The following NRXN1 variants were observed in gnomAD, a reference collection of about 807,000 sequenced individuals.
The protein encoded by NRXN1 is neurexin-1.
NRXN1 carries 39 observed loss-of-function variants against 150.9 expected under a neutral mutation model. That is an observed-to-expected ratio of 0.26 (90% confidence interval 0.20 to 0.34). The LOEUF is 0.34. Ranked by LOEUF, NRXN1 falls within the 10% of genes least tolerant of loss-of-function variation. NRXN1 has a pLI of 1.00. For synonymous variants in NRXN1, 924 were observed against 757.0 expected, an observed-to-expected ratio of 1.22 and a Z score of -3.62; for missense variants, 1,815 against 1,949.9, an observed-to-expected ratio of 0.93 and a Z score of 1.30.
At chr2:50,674,465 T>C (rs1689283459) in intron 5 of NRXN1, among the ~76,000 whole-genome samples, 1 of 152,102 alleles carries the variant, frequency 6.6e-6, no homozygotes, top group African/African-American at 2.4e-5. Context: ...GAGTGATTTT[T>C]AGACAGGAAT....
chr2:50,407,864 T>A (rs1355142014), intron 17 of NRXN1, among the ~76,000 whole-genome samples: 2 of 152,150 alleles, frequency 1.3e-5, no homozygotes, highest in Non-Finnish European at 2.9e-5. Context: ...TATTCTGTTA[T>A]AAGTAACAGA....
At chr2:50,229,453 T>C (rs2064734898) in intron 18 of NRXN1, among the ~76,000 whole-genome samples, 1 of 152,068 alleles carries the variant, frequency 6.6e-6, no homozygotes, top group South Asian at 2.1e-4. Context: ...TTTTCTTCCA[T>C]CAATCTATAT....
At chr2:51,008,189 A>T (rs538726787) in intron 2 of NRXN1, among the ~76,000 whole-genome samples, 10 of 152,040 alleles carry the variant, frequency 6.6e-5, no homozygotes, top group African/African-American at 2.4e-4. Context: ...ACAAATGTCA[A>T]ATCAATTAAA....
chr2:50,467,025 G>T (rs1477545517), intron 16 of NRXN1, among the ~76,000 whole-genome samples: 1 of 151,686 alleles, frequency 6.6e-6, no homozygotes, highest in Non-Finnish European at 1.5e-5. Flanking sequence ...CTGCATAAAT[G>T]ATACTGTATA....
intron 21 of NRXN1, among the ~76,000 whole-genome samples, chr2:50,027,801 C>T (rs568546584): frequency 3.3e-5 from 5 of 152,256 alleles, no homozygotes; most frequent in South Asian, 4.2e-4. Context: ...AAACTTCTAT[C>T]CTAACACCTT....
At chr2:50,840,648 T>C (rs960407298) in intron 5 of NRXN1, among the ~76,000 whole-genome samples, 8 of 152,154 alleles carry the variant, frequency 5.3e-5, no homozygotes, top group South Asian at 2.1e-4. Flanking sequence ...AGGGGATTCA[T>C]GGTTACACAC....
chr2:50,773,261 C>T (rs561893216), intron 5 of NRXN1, among the ~76,000 whole-genome samples: 1 of 152,272 alleles, frequency 6.6e-6, no homozygotes, highest in African/African-American at 2.4e-5. Flanking sequence ...ATTTATTCAA[C>T]TCCTTCAACC....
At chr2:50,418,320 G>A (rs2083707165) in intron 17 of NRXN1, among the ~76,000 whole-genome samples, 1 of 151,954 alleles carries the variant, frequency 6.6e-6, no homozygotes, top group Admixed American at 6.6e-5. Flanking sequence ...GTTTCACCAA[G>A]TATAAATGTG....
At chr2:50,585,131 C>A (rs930340332) in intron 8 of NRXN1, among the ~76,000 whole-genome samples, 1 of 152,122 alleles carries the variant, frequency 6.6e-6, no homozygotes, top group African/African-American at 2.4e-5. Context: ...CCCATGAATT[C>A]TAGTATCAGA....
intron 17 of NRXN1, among the ~76,000 whole-genome samples, chr2:50,396,083 C>G (rs2082034827): frequency 6.6e-6 from 1 of 152,124 alleles, no homozygotes; most frequent in Non-Finnish European, 1.5e-5. Flanking sequence ...ATAGAGTTTA[C>G]TGAGAATTCT....
chr2:49,930,060 G>A (rs565148808), intron 22 of NRXN1, among the ~76,000 whole-genome samples: 3 of 152,282 alleles, frequency 2.0e-5, no homozygotes, highest in African/African-American at 4.8e-5. Flanking sequence ...GTGAAAGTGG[G>A]TAGAGAAGTC....
chr2:49,994,561 A>T (rs765941809), intron 21 of NRXN1, among the ~76,000 whole-genome samples: 14 of 152,174 alleles, frequency 9.2e-5, no homozygotes, highest in Non-Finnish European at 1.6e-4. Context: ...TGTTGGGAAA[A>T]ATACAAGTAT....
chr2:50,892,307 T>C (rs574684304), intron 5 of NRXN1, among the ~76,000 whole-genome samples: 13 of 152,232 alleles, frequency 8.5e-5, no homozygotes, highest in African/African-American at 2.4e-4. Flanking sequence ...CTGAGAATAA[T>C]TGTAGATGGA....
At chr2:50,635,519 C>T (rs1455971945) in intron 5 of NRXN1, among the ~76,000 whole-genome samples, 1 of 152,058 alleles carries the variant, frequency 6.6e-6, no homozygotes. Context: ...CAGTCCTCTT[C>T]TTCCCTCCTC....
intron 19 of NRXN1, among the ~76,000 whole-genome samples, chr2:50,060,316 C>T (rs917545305): frequency 5.9e-5 from 9 of 152,106 alleles, no homozygotes; most frequent in Non-Finnish European, 1.5e-5. Flanking sequence ...GTAGACCCTT[C>T]GTTTTGGCCA....
At chr2:50,297,215 A>G (rs1029106345) in intron 17 of NRXN1, among the ~76,000 whole-genome samples, 38 of 152,060 alleles carry the variant, frequency 2.5e-4, no homozygotes, top group African/African-American at 8.7e-4. Flanking sequence ...ATGGCTGTAT[A>G]GTATTCTGTG....
intron 21 of NRXN1, among the ~76,000 whole-genome samples, chr2:49,961,861 AC>A (rs1676019310): frequency 6.6e-6 from 1 of 152,140 alleles, no homozygotes; most frequent in African/African-American, 2.4e-5. Context: ...GCAGTTCCCA[AC>A]TCTGTCCCCA....
intron 5 of NRXN1, among the ~76,000 whole-genome samples, chr2:50,915,184 T>C (rs964527078): frequency 5.9e-5 from 9 of 151,650 alleles, no homozygotes; most frequent in African/African-American, 2.2e-4. Context: ...TCAAGATAAT[T>C]ATATGTTATT....
intron 5 of NRXN1, among the ~76,000 whole-genome samples, chr2:50,644,829 C>G (rs1684582035): frequency 7.0e-6 from 1 of 142,812 alleles, no homozygotes; most frequent in Admixed American, 6.9e-5. Context: ...TATAAACATT[C>G]AGGTAGGATA....
Sources: allele counts gnomAD v4.1 joint callset (sites outside exome capture counted in the v4.1 genomes callset), GRCh38; gene constraint gnomAD v4.1.1; transcripts MANE v1.5; gene names NCBI Gene and HGNC (gene_info 2026-07-23, HGNC 2026-07-21).